The following SUMF1 variants were observed in gnomAD, a reference collection of about 807,000 sequenced individuals.
The protein encoded by SUMF1 is formylglycine-generating enzyme.
SUMF1 carries 48 observed loss-of-function variants against 47.6 expected under a neutral mutation model. That is an observed-to-expected ratio of 1.01 (90% CI 0.80 to 1.28). The LOEUF is 1.28. Ranked by LOEUF, SUMF1 falls within the 50% of genes most tolerant of loss-of-function variation. The pLI, the probability that SUMF1 is intolerant of heterozygous loss-of-function variation, is 0.00. For synonymous variants in SUMF1, 230 were observed against 192.1 expected (o/e 1.20, Z -1.63); for missense variants, 571 against 485.4 (o/e 1.18, Z -1.66).
At chr3:4,109,557 T>C (rs1158570988) in intron 8 of SUMF1, among the ~76,000 whole-genome samples, 1 of 152,166 alleles carries the variant, frequency 6.6e-6, no homozygotes, top group Non-Finnish European at 1.5e-5. Flanking sequence ...CATTTTCAGG[T>C]ACACCAATCA....
chr3:4,209,834 C>A (rs1695740688), intron 8 of SUMF1, among the ~76,000 whole-genome samples: 1 of 152,068 alleles, frequency 6.6e-6, no homozygotes, highest in Non-Finnish European at 1.5e-5. Context: ...TAAAGACTAC[C>A]ACAGATTGCT....
At chr3:4,436,434 T>C (rs1194763554) in intron 3 of SUMF1, among the ~76,000 whole-genome samples, 2 of 152,004 alleles carry the variant, frequency 1.3e-5, no homozygotes, top group Non-Finnish European at 2.9e-5. Context: ...TAGACATAGA[T>C]ATAGATATAA....
intron 8 of SUMF1, among the ~76,000 whole-genome samples, chr3:4,215,210 G>T (rs1053791827): frequency 3.3e-5 from 5 of 152,158 alleles, no homozygotes; most frequent in African/African-American, 9.7e-5. Context: ...GATCAAGTCG[G>T]CTTCATCTCT....
chr3:4,252,272 C>T (rs903011375), intron 8 of SUMF1, among the ~76,000 whole-genome samples: 1 of 151,790 alleles, frequency 6.6e-6, no homozygotes, highest in Non-Finnish European at 1.5e-5. Flanking sequence ...TCTAGGACAA[C>T]CAAATCTTCT....
In SUMF1 at chr3:4,175,540, CA is replaced by C. The variant is rs1312204179; in HGVS notation, c.1015-106796del. 2.0e-5 allele frequency among the ~76,000 whole-genome samples: 3 copies of C among 152,186 alleles called. No homozygotes were observed. In the East Asian group the frequency reaches 5.8e-4, roughly 29 times the overall value. ...CACCAAAACCCCATCTGTAGGTGAC[CA>C]ACATCAAAGACCAAAGGTAGATAAA... On this transcript the variant is annotated intron_variant and NMD_transcript_variant, in intron 8 of 12. Transcript: ENST00000448413.
intron 8 of SUMF1, among the ~76,000 whole-genome samples, chr3:4,112,644 G>A (rs1693334123): frequency 6.6e-6 from 1 of 152,114 alleles, no homozygotes. Flanking sequence ...GTTACTCTGG[G>A]TAAGAAGCTA....
chr3:4,426,369 G>T (rs143099825), intron 3 of SUMF1, among the ~76,000 whole-genome samples: 1 of 152,316 alleles, frequency 6.6e-6, no homozygotes, highest in African/African-American at 2.4e-5. Context: ...ATCAGAGGTA[G>T]GGCCTTATTC....
chr3:4,136,279 T>C (rs1219993588), intron 8 of SUMF1, among the ~76,000 whole-genome samples: 1 of 151,954 alleles, frequency 6.6e-6, no homozygotes, highest in Non-Finnish European at 1.5e-5. Context: ...AAAACAGAGA[T>C]ATAGACCAAA....
chr3:4,314,724 G>T (rs1271776856), intron 8 of SUMF1, among the ~76,000 whole-genome samples: 1 of 152,166 alleles, frequency 6.6e-6, no homozygotes, highest in Non-Finnish European at 1.5e-5. Flanking sequence ...TAAACTTCTA[G>T]AGCAGCAAAC....
chr3:4,269,461 C>T (rs1697262878), intron 8 of SUMF1, among the ~76,000 whole-genome samples: 1 of 152,160 alleles, frequency 6.6e-6, no homozygotes, highest in Admixed American at 6.5e-5. Context: ...CAATTTTAAT[C>T]CAGAGCTAGT....
intron 7 of SUMF1, among the ~76,000 whole-genome samples, chr3:4,389,020 T>G (rs1700764639): frequency 6.6e-6 from 1 of 152,192 alleles, no homozygotes; most frequent in Non-Finnish European, 1.5e-5. Context: ...AAGGAAAGCC[T>G]ATTGTATATA....
intron 7 of SUMF1, among the ~76,000 whole-genome samples, chr3:4,397,378 T>C (rs1298373464): frequency 6.6e-6 from 1 of 152,188 alleles, no homozygotes; most frequent in African/African-American, 2.4e-5. Flanking sequence ...CTGTCAGTCC[T>C]GAGTGCAGGG....
At chr3:4,210,641 G>T (rs75121854) in intron 8 of SUMF1, among the ~76,000 whole-genome samples, 76 of 152,106 alleles carry the variant, frequency 5.0e-4, no homozygotes, top group African/African-American at 1.8e-3. Flanking sequence ...AAGTTCAGGG[G>T]TATATGTGCA....
chr3:4,285,995 A>G (rs1046113588), intron 8 of SUMF1, among the ~76,000 whole-genome samples: 7 of 152,176 alleles, frequency 4.6e-5, no homozygotes, highest in Non-Finnish European at 1.0e-4. Flanking sequence ...AAATACTTGC[A>G]GAAATATCCA....
intron 8 of SUMF1, among the ~76,000 whole-genome samples, chr3:4,157,690 T>C (rs1203250697): frequency 6.6e-6 from 1 of 151,538 alleles, no homozygotes; most frequent in Admixed American, 6.6e-5. Flanking sequence ...CTTATCTCTA[T>C]ACGCTTCTTT....
At chr3:4,422,054 AC>A (rs1330355379) in intron 3 of SUMF1, among the ~76,000 whole-genome samples, 3 of 152,210 alleles carry the variant, frequency 2.0e-5, no homozygotes, top group Admixed American at 2.0e-4. Flanking sequence ...AAATATTTCA[AC>A]AAAAGAAGGC....
intron 8 of SUMF1, among the ~76,000 whole-genome samples, chr3:4,276,875 C>G (rs1218973389): frequency 1.3e-5 from 2 of 151,938 alleles, no homozygotes; most frequent in Non-Finnish European, 1.5e-5. Flanking sequence ...GTTTAAAAAC[C>G]TTGACAAAAT....
intron 8 of SUMF1, among the ~76,000 whole-genome samples, chr3:4,132,119 C>T (rs915252203): frequency 2.0e-5 from 3 of 152,128 alleles, no homozygotes; most frequent in African/African-American, 7.2e-5. Flanking sequence ...GGTTTGTCCC[C>T]ACCAGAATAA....
chr3:4,176,701 A>G (rs1441788498), intron 8 of SUMF1, among the ~76,000 whole-genome samples: 1 of 152,204 alleles, frequency 6.6e-6, no homozygotes, highest in Non-Finnish European at 1.5e-5. Flanking sequence ...TTAACCTTAA[A>G]TGTAAATGGG....
Sources: allele counts gnomAD v4.1 joint callset (sites outside exome capture counted in the v4.1 genomes callset), GRCh38; gene constraint gnomAD v4.1.1; transcripts MANE v1.5; gene names NCBI Gene and HGNC (gene_info 2026-07-23, HGNC 2026-07-21).